ADARB2: variants seen among roughly 807,000 people sequenced by gnomAD.
ADARB2 encodes inactive double-stranded RNA-specific editase B2.
ADARB2 carries 25 observed loss-of-function variants against 62.2 expected under a neutral mutation model. The observed-to-expected ratio is 0.40, with a 90% CI of 0.29 to 0.56. ADARB2 has a LOEUF of 0.56. Among genes scored for constraint, ADARB2 ranks in the 20% least tolerant of loss-of-function variants. The pLI is 0.43. For missense variants in ADARB2, 1,071 were observed against 1,077.4 expected (o/e 0.99, Z 0.08); for synonymous variants, 572 against 500.8 (o/e 1.14, Z -1.90).
chr10:1,717,852 A>T (rs899089873), intron 1 of ADARB2, among the ~76,000 whole-genome samples: 2 of 152,326 alleles, frequency 1.3e-5, no homozygotes, highest in African/African-American at 4.8e-5. Context: ...TGCTGGGATT[A>T]TAGGTGTGAG....
intron 1 of ADARB2, among the ~76,000 whole-genome samples, chr10:1,533,357 T>G (rs1165075077): frequency 6.6e-6 from 1 of 151,736 alleles, no homozygotes; most frequent in Non-Finnish European, 1.5e-5. Flanking sequence ...CTCAAACTCC[T>G]GACCTCGTGA....
intron 1 of ADARB2, among the ~76,000 whole-genome samples, chr10:1,718,144 T>G (rs911673739): frequency 2.6e-5 from 4 of 152,166 alleles, no homozygotes; most frequent in African/African-American, 7.2e-5. Flanking sequence ...GTTTCCATCA[T>G]GCTGAGAAAA....
intron 1 of ADARB2, among the ~76,000 whole-genome samples, chr10:1,731,136 A>G (rs551650822): frequency 6.6e-6 from 1 of 152,310 alleles, no homozygotes; most frequent in Admixed American, 6.5e-5. Context: ...GGATCTCTTG[A>G]AAAGCAAACA....
In ADARB2 at chr10:1,183,326, T is replaced by A. The variant is rs1423810241; in HGVS notation, c.2087A>T (p.Tyr696Phe). ...GTGCGCCCCCAGCTTGGCCTCACAG[T>A]ACATGGAGGGCGTGTCTCCAGGGCT... is the stretch of plus-strand genomic sequence containing the variant. ...TPSPGDTPSM[Y>F]CEAKLGAHTY... Residue 696 changes from tyrosine (Y) to phenylalanine (F), a missense_variant, in exon 10 of 10, where the codon TAC becomes TTC. Transcript: ENST00000381312. The A allele has an allele frequency of 6.2e-7, 1 of 1,614,148 alleles. No homozygotes were observed. Among genetic ancestry groups the A allele is most frequent in the Non-Finnish European group, 8.5e-7 (1 of 1,180,022 alleles).
chr10:1,229,794 A>ATG (rs767898169), intron 6 of ADARB2, among the ~76,000 whole-genome samples: 1 of 57,838 alleles, frequency 1.7e-5, no homozygotes, highest in Non-Finnish European at 3.6e-5. Flanking sequence ...ACATGTGTTT[A>ATG]TGTGTGTGCG....
intron 1 of ADARB2, among the ~76,000 whole-genome samples, chr10:1,452,443 G>A (rs1453002055): frequency 6.6e-6 from 1 of 152,110 alleles, no homozygotes; most frequent in East Asian, 1.9e-4. Context: ...TACAGGTGAT[G>A]CCATGGAATA....
At chr10:1,352,205 T>C (rs11250441) in intron 3 of ADARB2, among the ~76,000 whole-genome samples, 82,210 of 150,922 alleles carry the variant, frequency 0.54, 22,875 homozygotes, top group Middle Eastern at 0.6. Flanking sequence ...CCCTGCCAAT[T>C]GTGTCCAACT....
intron 3 of ADARB2, among the ~76,000 whole-genome samples, chr10:1,324,080 T>A (rs1316700073): frequency 6.6e-6 from 1 of 152,100 alleles, no homozygotes. Flanking sequence ...AAATCAGAAA[T>A]GGGCAAAAGA....
At chr10:1,248,795 C>A (rs1012605369) in intron 4 of ADARB2, among the ~76,000 whole-genome samples, 1 of 152,136 alleles carries the variant, frequency 6.6e-6, no homozygotes, top group African/African-American at 2.4e-5. Context: ...AGAAAATATA[C>A]GAATTTCTAT....
intron 1 of ADARB2, chr10:1,534,992 A>G (rs199929214): frequency 2.4e-5 from 4 of 167,338 alleles, no homozygotes; most frequent in Admixed American, 6.5e-5. Context: ...TTAGGAGGCC[A>G]CAGGTAAGCA....
Position 1,260,488 on chromosome 10 carries a change from A to G in ADARB2, c.1192+10467T>C, listed in dbSNP as rs542053511. Among the ~76,000 whole-genome samples the G allele has an allele frequency of 1.5e-4, 23 of 151,348 alleles. No individual in the cohort carries two copies. The East Asian group carries it at 4.3e-3, about 28-fold the overall frequency. ...ATAAAATCAATGTACAAAAATCACA[A>G]GCATTCTTATACACCAATAACAGAC... On this transcript the variant is annotated intron_variant, in intron 4 of 9. Transcript: ENST00000381312.
intron 1 of ADARB2, among the ~76,000 whole-genome samples, chr10:1,445,462 C>T (rs1042640523): frequency 2.0e-5 from 3 of 151,772 alleles, no homozygotes; most frequent in African/African-American, 7.3e-5. Context: ...CCCACCCATC[C>T]ACCCACCCAT....
intron 1 of ADARB2, among the ~76,000 whole-genome samples, chr10:1,680,071 G>A (rs1289659716): frequency 2.0e-5 from 3 of 151,756 alleles, no homozygotes; most frequent in South Asian, 2.1e-4. Context: ...TGTTTGCTTG[G>A]CACCCATTCC....
In ADARB2 at chr10:1,639,527, C is replaced by T. The variant is rs1020311434; in HGVS notation, c.100+97524G>A. Among the ~76,000 whole-genome samples the T allele has an allele frequency of 4.6e-5, 7 of 152,300 alleles. No homozygotes were observed. In the East Asian group the frequency reaches 7.7e-4, roughly 17 times the overall value. ...CCTTACCCTAAGAAAGCTTTGGGCT[C>T]CAACATGACTTCCCGTTCTTATAAA... On this transcript the variant is annotated intron_variant, in intron 1 of 9. Coordinates refer to ENST00000381312, the MANE Select transcript of ADARB2 (RefSeq NM_018702.4).
intron 1 of ADARB2, among the ~76,000 whole-genome samples, chr10:1,554,179 GC>G (rs1184900062): frequency 1.3e-5 from 2 of 152,136 alleles, no homozygotes; most frequent in African/African-American, 4.8e-5. Context: ...TCTCCGGGTG[GC>G]CTGTGCCCTA....
intron 1 of ADARB2, chr10:1,678,420 C>T: frequency 7.4e-6 from 6 of 809,714 alleles, no homozygotes; most frequent in Non-Finnish European, 9.0e-6. Context: ...CGCACCTTCC[C>T]TTTCAGCACT....
At chr10:1,604,549 C>T (rs1343878) in intron 1 of ADARB2, among the ~76,000 whole-genome samples, 1,914 of 152,252 alleles carry the variant, frequency 0.013, 90 homozygotes, top group East Asian at 0.12. Flanking sequence ...CCACGGTTTA[C>T]GTTTTCACAC....
chr10:1,551,911 C>G (rs187817980), intron 1 of ADARB2, among the ~76,000 whole-genome samples: 1 of 152,210 alleles, frequency 6.6e-6, no homozygotes, highest in Non-Finnish European at 1.5e-5. Context: ...GACTGACTGG[C>G]CTTTATACTG....
At position 1,242,226 on chromosome 10, in the gene ADARB2, A is replaced by C; in HGVS notation, c.1266T>G (p.Ser422Arg). 1 of 1,605,136 alleles carries C rather than the reference A, an allele frequency of 6.2e-7. No individual in the cohort carries two copies. Among genetic ancestry groups the C allele is most frequent in the Non-Finnish European group, 8.5e-7 (1 of 1,176,970 alleles). Residue 422 changes from serine to arginine, a missense_variant, in exon 5 of 10, where the codon AGT (serine) becomes AGG (arginine). Ser to Arg is a moderately radical substitution (Grantham distance 110). Transcript: ENST00000381312. The stretch of plus-strand genomic sequence containing the variant: ...AGTCATTCACCACCAGCCCCTGGTC[A>C]CTGAGGTGCTCGCCGCTGATGCACT... The part of the protein sequence containing the change: ...GTKCISGEHL[S>R]DQGLVVNDCH...
Sources: allele counts gnomAD v4.1 joint callset (sites outside exome capture counted in the v4.1 genomes callset), GRCh38; gene constraint gnomAD v4.1.1; transcripts MANE v1.5; gene names NCBI Gene and HGNC (gene_info 2026-07-23, HGNC 2026-07-21).